Variants in SCNN1B observed in about 807,000 individuals in gnomAD.
SCNN1B encodes the protein sodium channel epithelial 1 subunit beta, also known as epithelial sodium channel subunit beta.
SCNN1B carries 46 observed loss-of-function variants against 65.3 expected under a neutral mutation model. The ratio of observed to expected loss-of-function variants is 0.70; its 90% confidence interval spans 0.56 to 0.90. SCNN1B has a LOEUF of 0.90. Among genes scored for constraint, SCNN1B ranks in the 40% least tolerant of loss-of-function variants. SCNN1B has a pLI of 0.00. For missense variants in SCNN1B, 751 were observed against 830.5 expected (o/e 0.90, Z 1.18); for synonymous variants, 349 against 330.6 (o/e 1.06, Z -0.60).
intron 2 of SCNN1B, among the ~76,000 whole-genome samples, chr16:23,288,228 TAAAAG>T (rs1185363138): frequency 3.3e-5 from 5 of 152,256 alleles, no homozygotes; most frequent in Admixed American, 3.3e-4. Flanking sequence ...GATATATCTA[TAAAAG>T]AAAACTGCCC....
intron 1 of SCNN1B, among the ~76,000 whole-genome samples, chr16:23,328,738 G>A (rs551769809): frequency 2.9e-4 from 44 of 152,294 alleles, no homozygotes; most frequent in African/African-American, 9.9e-4. Context: ...CCTCTGAATC[G>A]TGGGTGGTGG....
chr16:23,357,206 T>G (rs1268554049), intron 4 of SCNN1B, among the ~76,000 whole-genome samples: 2 of 152,246 alleles, frequency 1.3e-5, no homozygotes, highest in South Asian at 2.1e-4. Flanking sequence ...GGACTGGGGT[T>G]GCAGGCAGCT....
chr16:23,349,466 G>A (rs563165517), intron 2 of SCNN1B, among the ~76,000 whole-genome samples: 10 of 152,178 alleles, frequency 6.6e-5, no homozygotes, highest in African/African-American at 2.4e-4. Flanking sequence ...TCAAGTCAAG[G>A]CTAAGAAAAA....
chr16:23,338,448 A>G (rs1363893933), intron 1 of SCNN1B, among the ~76,000 whole-genome samples: 4 of 152,224 alleles, frequency 2.6e-5, no homozygotes, highest in Non-Finnish European at 5.9e-5. Flanking sequence ...AGTCAAATCC[A>G]CTTTCAGGTT....
chr16:23,318,606 C>T (rs1396334546), intron 1 of SCNN1B, among the ~76,000 whole-genome samples: 1 of 152,056 alleles, frequency 6.6e-6, no homozygotes, highest in African/African-American at 2.4e-5. Context: ...GAGACTTCGT[C>T]TAAAGAAAAA....
intron 1 of SCNN1B, among the ~76,000 whole-genome samples, chr16:23,331,828 G>A (rs1300155414): frequency 6.6e-6 from 1 of 152,082 alleles, no homozygotes; most frequent in African/African-American, 2.4e-5. Context: ...TCTCAACAGG[G>A]GCCTCTTTGT....
At chr16:23,349,090 TTTC>T (rs1307511967) in intron 2 of SCNN1B, among the ~76,000 whole-genome samples, 180 bp downstream of exon 2, 1 of 152,052 alleles carries the variant, frequency 6.6e-6, no homozygotes, top group Admixed American at 6.6e-5. Flanking sequence ...TCTTCTTCCC[TTTC>T]TTTTTTCTTT....
intron 2 of SCNN1B, among the ~76,000 whole-genome samples, chr16:23,294,328 T>C (rs996503318): frequency 6.6e-6 from 1 of 151,684 alleles, no homozygotes; most frequent in African/African-American, 2.4e-5. Context: ...ACCAGGGAGG[T>C]GAAGGTTGCA....
intron 2 of SCNN1B, among the ~76,000 whole-genome samples, chr16:23,290,018 G>A (rs930079245): frequency 1.3e-4 from 20 of 152,070 alleles, no homozygotes; most frequent in African/African-American, 4.6e-4. Context: ...CACAAATGAA[G>A]TAAAAAGGCA....
intron 4 of SCNN1B, among the ~76,000 whole-genome samples, chr16:23,361,812 T>G (rs1962558828): frequency 1.3e-5 from 2 of 151,736 alleles, no homozygotes; most frequent in South Asian, 4.2e-4. Flanking sequence ...TTTGTTTTTG[T>G]TTTTTTTGAG....
intron 10 of SCNN1B, among the ~76,000 whole-genome samples, 193 bp downstream of exon 10, chr16:23,377,579 C>T (rs1368009808): frequency 6.8e-6 from 1 of 146,910 alleles, no homozygotes; most frequent in Admixed American, 6.7e-5. Flanking sequence ...CTTTTCCCTT[C>T]CTCCCTCCCT....
intron 1 of SCNN1B, among the ~76,000 whole-genome samples, chr16:23,320,236 A>T (rs1197635053): frequency 6.6e-6 from 1 of 152,196 alleles, no homozygotes; most frequent in Non-Finnish European, 1.5e-5. Context: ...TAGCATGGCC[A>T]GAGCCTCCTG....
chr16:23,333,638 G>A (rs1381222439), intron 1 of SCNN1B, among the ~76,000 whole-genome samples: 2 of 152,120 alleles, frequency 1.3e-5, no homozygotes, highest in Non-Finnish European at 2.9e-5. Context: ...CAACAACCTA[G>A]AAGGCACAGG....
chr16:23,307,295 C>CAT, intron 1 of SCNN1B, among the ~76,000 whole-genome samples: 1 of 113,306 alleles, frequency 8.8e-6, no homozygotes, highest in African/African-American at 3.7e-5. Context: ...GCCTGTGCTC[C>CAT]TTTTTTTTTT....
At chr16:23,350,389 C>T (rs1397455810) in intron 2 of SCNN1B, among the ~76,000 whole-genome samples, 1 of 152,102 alleles carries the variant, frequency 6.6e-6, no homozygotes, top group Non-Finnish European at 1.5e-5. Context: ...ATAGCAAGAC[C>T]TGTGAAGGGG....
intron 4 of SCNN1B, among the ~76,000 whole-genome samples, chr16:23,359,936 C>T (rs1055183603): frequency 6.6e-6 from 1 of 152,214 alleles, no homozygotes; most frequent in Non-Finnish European, 1.5e-5. Flanking sequence ...GGCATGGTGG[C>T]TCACGCCTAT....
At chr16:23,372,882 T>C (rs987907138) in intron 7 of SCNN1B, among the ~76,000 whole-genome samples, 29 of 148,818 alleles carry the variant, frequency 1.9e-4, no homozygotes, top group African/African-American at 6.9e-4. Flanking sequence ...GGTACATCAC[T>C]TGAGGTCAGA....
At chr16:23,319,665 C>G (rs1251509717) in intron 1 of SCNN1B, among the ~76,000 whole-genome samples, 1 of 152,216 alleles carries the variant, frequency 6.6e-6, no homozygotes, top group Non-Finnish European at 1.5e-5. Flanking sequence ...GCCTAAAATA[C>G]TGCTGCCTGG....
intron 7 of SCNN1B, chr16:23,372,168 A>G (rs1269203213): frequency 2.0e-6 from 1 of 504,210 alleles, no homozygotes; most frequent in Non-Finnish European, 3.6e-6. Context: ...AAAACAAAAA[A>G]TAGCAGCTAA....
Sources: gnomAD v4.1 joint callset for allele counts (sites outside exome capture counted in the v4.1 genomes callset) on GRCh38, gnomAD v4.1.1 for gene constraint, MANE v1.5 for transcripts, NCBI Gene and HGNC (gene_info 2026-07-23, HGNC 2026-07-21) for gene names.